The following SLC39A12 variants were observed in gnomAD, a reference collection of about 807,000 sequenced individuals.
SLC39A12 encodes the protein solute carrier family 39 member 12.
Under a neutral mutation model 71.1 loss-of-function variants are expected in SLC39A12, and 63 were observed. The observed-to-expected ratio is 0.89, with a 90% CI of 0.72 to 1.09. SLC39A12 has a LOEUF of 1.09. Ranked by LOEUF, SLC39A12 falls within the 50% of genes least tolerant of loss-of-function variation. The pLI is 0.00. For missense variants in SLC39A12, 892 were observed against 812.6 expected (o/e 1.10, Z -1.19); for synonymous variants, 351 against 301.3 (o/e 1.16, Z -1.71).
At chr10:18,007,675 C>A (rs572796232) in intron 12 of SLC39A12, among the ~76,000 whole-genome samples, 2 of 152,334 alleles carry the variant, frequency 1.3e-5, no homozygotes, top group Non-Finnish European at 2.9e-5. Flanking sequence ...TCATTCCCCC[C>A]CCTTTTTAGA....
chr10:18,035,698 C>T (rs571340357), intron 12 of SLC39A12, among the ~76,000 whole-genome samples: 31 of 152,348 alleles, frequency 2.0e-4, no homozygotes, highest in East Asian at 3.8e-4. Flanking sequence ...TGAGGAACTG[C>T]GTTCCGCTGG....
At chr10:17,993,112 G>T (rs1417466973) in intron 8 of SLC39A12, 69 bp from the exon 9 acceptor site, 1 of 1,101,916 alleles carries the variant, frequency 9.1e-7, no homozygotes, top group Non-Finnish European at 1.3e-6. Context: ...GAATGGAACC[G>T]TGGCATTGAC....
At chr10:18,028,785 T>C (rs1169217030) in intron 12 of SLC39A12, among the ~76,000 whole-genome samples, 1 of 152,150 alleles carries the variant, frequency 6.6e-6, no homozygotes, top group Admixed American at 6.5e-5. Flanking sequence ...AGTGGTGTGA[T>C]CTTGGCTCAC....
intron 12 of SLC39A12, among the ~76,000 whole-genome samples, chr10:18,004,912 G>A (rs547196722): frequency 4.5e-4 from 69 of 152,242 alleles, no homozygotes; most frequent in Non-Finnish European, 9.4e-4. Context: ...GAATGGGATC[G>A]TGTCCTTTGC....
At chr10:17,983,155 C>A (rs1222737599) in intron 6 of SLC39A12, among the ~76,000 whole-genome samples, 12 of 102,916 alleles carry the variant, frequency 1.2e-4, no homozygotes, top group African/African-American at 1.9e-4. Flanking sequence ...GGCGACAAAG[C>A]GAGACTCCAT....
intron 4 of SLC39A12, among the ~76,000 whole-genome samples, chr10:17,969,365 G>A (rs778418199): frequency 4.6e-5 from 7 of 152,042 alleles, no homozygotes; most frequent in Admixed American, 3.9e-4. Flanking sequence ...GAAACCTCCC[G>A]ATCGTTCTCC....
intron 2 of SLC39A12, 98 bp downstream of exon 2, chr10:17,953,635 A>G (rs1429339142): frequency 3.7e-6 from 5 of 1,360,888 alleles, no homozygotes; most frequent in Non-Finnish European, 5.0e-6. Context: ...TCACAGGCAA[A>G]TCTTCCAATA....
chr10:17,953,077 G>A (rs1322516313), intron 1 of SLC39A12, 114 bp from the exon 2 acceptor site: 7 of 646,178 alleles, frequency 1.1e-5, no homozygotes, highest in South Asian at 2.1e-5. Context: ...ACAGACCCCC[G>A]CTGTGTAGAA....
intron 12 of SLC39A12, among the ~76,000 whole-genome samples, chr10:18,023,463 T>C (rs1332187215): frequency 6.6e-6 from 1 of 152,108 alleles, no homozygotes; most frequent in Non-Finnish European, 1.5e-5. Context: ...TAAGGGAAGG[T>C]TCTGCTGCTA....
At position 18,026,447 on chromosome 10, in the gene SLC39A12, TA is replaced by T. The variant is rs201854809; in HGVS notation, c.1948-16257del. On this transcript the variant is annotated intron_variant, in intron 12 of 12. Transcript: ENST00000377369. The stretch of plus-strand genomic sequence containing the variant: ...CATCTTTGCTTCTTTAAAGGTGAGA[TA>T]TTTTTTTCATCTGGTTTCTTTCATT... Among the ~76,000 whole-genome samples, 1,503 of 152,260 alleles carry T rather than the reference TA, an allele frequency of 9.9e-3. 20 individuals carry two copies. The highest frequency in any genetic ancestry group is 0.014 in the Middle Eastern group (4 of 294).
At chr10:17,987,966 G>A (rs906905603) in intron 7 of SLC39A12, among the ~76,000 whole-genome samples, 5 of 152,096 alleles carry the variant, frequency 3.3e-5, no homozygotes, top group African/African-American at 1.2e-4. Context: ...TGGAGCCCAG[G>A]AGCTCAAGAA....
At chr10:18,000,517 CCTGA>C (rs780838853) in intron 10 of SLC39A12, 146 bp from the exon 11 acceptor site, 112 of 714,678 alleles carry the variant, frequency 1.6e-4, no homozygotes, top group Non-Finnish European at 2.4e-4. Flanking sequence ...AATCTCTAGT[CCTGA>C]CTTTTGCGGA....
At chr10:17,989,938 A>C (rs992791233) in intron 7 of SLC39A12, among the ~76,000 whole-genome samples, 9 of 152,198 alleles carry the variant, frequency 5.9e-5, no homozygotes, top group African/African-American at 2.2e-4. Context: ...CGAGGACGAA[A>C]GTTGTTGGAA....
chr10:17,981,311 G>A lies in SLC39A12; in HGVS notation c.925-1G>A. The A allele has an allele frequency of 6.2e-7, 1 of 1,606,114 alleles. No individual in the cohort carries two copies. Among genetic ancestry groups the A allele is most frequent in the East Asian group, 2.2e-5 (1 of 44,780 alleles). On this transcript the variant is annotated splice_acceptor_variant, in intron 5 of 12. Transcript: ENST00000377369. LOFTEE classifies it high-confidence loss of function. ...AACAATGTTATGTTTTCCTCACACA[G>A]ACCTGCTTCTCTGCTAGGCAGCTGG...
At chr10:17,972,561 G>C (rs115348302) in intron 4 of SLC39A12, among the ~76,000 whole-genome samples, 2,029 of 152,142 alleles carry the variant, frequency 0.013, 41 homozygotes, top group African/African-American at 0.042. Context: ...TCCTCTTGCT[G>C]GATTGACACT....
intron 12 of SLC39A12, among the ~76,000 whole-genome samples, chr10:18,027,447 G>A (rs1803772705): frequency 6.6e-6 from 1 of 152,226 alleles, no homozygotes; most frequent in Non-Finnish European, 1.5e-5. Context: ...CCTACCAGAA[G>A]TATGAGAAGA....
At chr10:17,980,212 C>G (rs1835216051) in intron 5 of SLC39A12, among the ~76,000 whole-genome samples, 2 of 152,042 alleles carry the variant, frequency 1.3e-5, no homozygotes, top group Admixed American at 1.3e-4. Flanking sequence ...TCCATGCACC[C>G]AAATATTTCC....
chr10:17,953,672 A>G, intron 2 of SLC39A12, 135 bp downstream of exon 2: 1 of 1,093,064 alleles, frequency 9.1e-7, no homozygotes, highest in South Asian at 1.7e-5. Flanking sequence ...ATTCTGGTAA[A>G]ATAATTTCCA....
At chr10:18,002,796 A>G (rs1835873403) in intron 11 of SLC39A12, 1 of 162,640 alleles carries the variant, frequency 6.1e-6, no homozygotes, top group East Asian at 1.8e-4. Context: ...ATATAGTGTC[A>G]TGATTTCACC....
Sources: allele counts gnomAD v4.1 joint callset (sites outside exome capture counted in the v4.1 genomes callset), GRCh38; gene constraint gnomAD v4.1.1; transcripts MANE v1.5; gene names NCBI Gene and HGNC (gene_info 2026-07-23, HGNC 2026-07-21).